Variants in IRAK3 observed in about 807,000 individuals in gnomAD.
IRAK3 encodes interleukin-1 receptor-associated kinase 3.
A neutral mutation model predicts 56.6 loss-of-function variants in IRAK3; 57 were observed. The ratio of observed to expected loss-of-function variants is 1.01; its 90% confidence interval spans 0.81 to 1.26. The LOEUF is 1.26. Among genes scored for constraint, IRAK3 ranks in the 50% most tolerant of loss-of-function variants. IRAK3 has a pLI of 0.00. For synonymous variants in IRAK3, 258 were observed against 255.7 expected (o/e 1.01, Z -0.09); for missense variants, 703 against 719.0 (o/e 0.98, Z 0.25).
chr12:66,229,669 C>T (rs1030576669), intron 8 of IRAK3, among the ~76,000 whole-genome samples: 1 of 152,124 alleles, frequency 6.6e-6, no homozygotes, highest in African/African-American at 2.4e-5. Context: ...AATGCACACT[C>T]ATGGGACCTG....
At chr12:66,195,900 A>G (rs1212753394) in intron 1 of IRAK3, among the ~76,000 whole-genome samples, 3 of 151,484 alleles carry the variant, frequency 2.0e-5, no homozygotes, top group Non-Finnish European at 4.4e-5. Flanking sequence ...TAGGTGATCC[A>G]CCCACCTCGG....
chr12:66,230,353 GA>G (rs1290256133), intron 8 of IRAK3, among the ~76,000 whole-genome samples: 1 of 152,144 alleles, frequency 6.6e-6, no homozygotes, highest in Non-Finnish European at 1.5e-5. Context: ...GCGAGGAAAG[GA>G]AAAAGGCAGG....
At chr12:66,216,455 T>C (rs2052677814) in intron 5 of IRAK3, among the ~76,000 whole-genome samples, 1 of 152,178 alleles carries the variant, frequency 6.6e-6, no homozygotes, top group African/African-American at 2.4e-5. Context: ...CTCTAGCAAT[T>C]TGCAAATGAT....
intron 5 of IRAK3, among the ~76,000 whole-genome samples, chr12:66,213,322 A>G (rs1003158397): frequency 9.9e-5 from 15 of 152,188 alleles, no homozygotes; most frequent in African/African-American, 1.9e-4. Context: ...TGTGGGAGCT[A>G]CAATTCAAGA....
rs1158649173 is a variant in IRAK3, at chr12:66,235,305, G to A, written c.887+6935G>A. On this transcript the variant is annotated intron_variant, in intron 8 of 11. Coordinates refer to ENST00000261233, the MANE Select transcript of IRAK3 (RefSeq NM_007199.3). ...AAGATCATCGCTGCGGGCCGCGGCG[G>A]CGGGCGCGGGCGCGGGGCAGCCTGG... 8.0e-6 allele frequency: 9 copies of A among 1,125,388 alleles called. No homozygotes were observed. In the East Asian group the frequency reaches 3.9e-4, roughly 48 times the overall value. 69.7% of individuals were successfully genotyped at this position (1,125,388 alleles called of 1,614,324 possible). A position where few individuals can be genotyped will look rare whatever the true frequency, so the allele number is the denominator to read the frequency against.
chr12:66,250,345 C>T lies in IRAK3; in HGVS notation c.*2174C>T, dbSNP rs1216840093. 3 of 152,054 alleles carry T rather than the reference C, an allele frequency of 2.0e-5. No individual in the cohort carries two copies. The highest frequency in any genetic ancestry group is 4.4e-5 in the Non-Finnish European group (3 of 67,992). 9.4% of individuals were successfully genotyped at this position (152,054 alleles called of 1,614,324 possible). ...GGTTAATCATATTCACATTAGATTCCATGTTGAAGAACAACTAATCAAAGA... is the reference window on the plus strand; with the variant it reads ...GGTTAATCATATTCACATTAGATTCTATGTTGAAGAACAACTAATCAAAGA... On this transcript the variant is annotated 3_prime_UTR_variant, in exon 12 of 12. Coordinates refer to ENST00000261233, the MANE Select transcript of IRAK3 (RefSeq NM_007199.3).
chr12:66,198,215 T>C, intron 1 of IRAK3: 2 of 504,468 alleles, frequency 4.0e-6, no homozygotes, highest in Non-Finnish European at 5.1e-6. Flanking sequence ...TAAGTTCATA[T>C]GCTAACACTC....
Position 66,242,787 on chromosome 12 carries a change from G to A in IRAK3, c.888-1699G>A, listed in dbSNP as rs538028573. On this transcript the variant is annotated intron_variant, in intron 8 of 11. Coordinates refer to ENST00000261233, the MANE Select transcript of IRAK3 (RefSeq NM_007199.3). The stretch of plus-strand genomic sequence containing the variant: ...AATGTGTCTTTATCCTTAAAAGACC[G>A]CGGGGTCTGGGCGCAGTAGCTCATG... 5.3e-5 allele frequency among the ~76,000 whole-genome samples: 8 copies of A among 152,312 alleles called. No homozygotes were observed. The East Asian group carries it at 7.7e-4, about 15-fold the overall frequency.
chr12:66,235,710 A>G (rs1423464982), intron 8 of IRAK3, among the ~76,000 whole-genome samples: 1 of 152,228 alleles, frequency 6.6e-6, no homozygotes, highest in Admixed American at 6.5e-5. Flanking sequence ...GACCAAATTA[A>G]AGTAGCGTAT....
intron 2 of IRAK3, among the ~76,000 whole-genome samples, 171 bp downstream of exon 2, chr12:66,204,064 T>C (rs1229771894): frequency 1.3e-5 from 2 of 152,240 alleles, no homozygotes; most frequent in African/African-American, 2.4e-5. Flanking sequence ...CTTGTGACAC[T>C]TTCTTCCCTT....
chr12:66,216,064 C>T (rs569045387), intron 5 of IRAK3, among the ~76,000 whole-genome samples: 13 of 152,254 alleles, frequency 8.5e-5, no homozygotes, highest in Admixed American at 3.9e-4. Flanking sequence ...TGCCATTTCT[C>T]GGCAGCTCCT....
chr12:66,223,408 C>T (rs183443941), intron 6 of IRAK3, among the ~76,000 whole-genome samples: 576 of 151,860 alleles, frequency 3.8e-3, no homozygotes, highest in Non-Finnish European at 4.5e-3. Flanking sequence ...GCCTGTAATC[C>T]CAGCACTTTG....
chr12:66,193,961 T>C (rs1420754848), intron 1 of IRAK3, among the ~76,000 whole-genome samples: 3 of 152,196 alleles, frequency 2.0e-5, no homozygotes. Flanking sequence ...GGGATCTCAC[T>C]CTGTCATCCA....
intron 1 of IRAK3, among the ~76,000 whole-genome samples, chr12:66,200,107 T>A (rs1490709056): frequency 1.3e-5 from 2 of 152,254 alleles, no homozygotes; most frequent in Non-Finnish European, 2.9e-5. Flanking sequence ...GTCTCAACTT[T>A]ATCTTCTCTT....
rs1592598346 is a variant in IRAK3 at position 66,234,684 on chromosome 12, T to G, written c.887+6314T>G. 6 of 1,609,792 alleles carry G rather than the reference T, an allele frequency of 3.7e-6. No individual in the cohort carries two copies. In the East Asian group the frequency reaches 1.3e-4, roughly 36 times the overall value. On this transcript the variant is annotated intron_variant, in intron 8 of 11. Coordinates refer to ENST00000261233, the MANE Select transcript of IRAK3 (RefSeq NM_007199.3). ...ACTCCTGGTGGTGTCTTAATAAATTTTCCATTAAAATGACCAGTAACAGCT... is the reference window on the plus strand; with the variant it reads ...ACTCCTGGTGGTGTCTTAATAAATTGTCCATTAAAATGACCAGTAACAGCT...
In IRAK3 at chr12:66,254,592, T is replaced by C. The variant is rs1234967410; in HGVS notation, c.*6421T>C. The C allele has an allele frequency of 6.6e-6, 1 of 152,076 alleles. No individual in the cohort carries two copies. Among genetic ancestry groups the C allele is most frequent in the South Asian group, 2.1e-4 (1 of 4,830 alleles). 9.4% of individuals were successfully genotyped at this position (152,076 alleles called of 1,614,324 possible). A position where few individuals can be genotyped will look rare whatever the true frequency, so the allele number is the denominator to read the frequency against. On this transcript the variant is annotated 3_prime_UTR_variant, in exon 12 of 12. Coordinates refer to ENST00000261233, the MANE Select transcript of IRAK3 (RefSeq NM_007199.3). ...TATAATGAACATATATCATTTTTAT[T>C]AGAAAAGAATAAAGTTTTTGAAAAA...
At position 66,254,348 on chromosome 12, in the gene IRAK3, A is replaced by G. The variant is rs1200583617; in HGVS notation, c.*6177A>G. 3 of 152,174 alleles carry G rather than the reference A, an allele frequency of 2.0e-5. No individual in the cohort carries two copies. The highest frequency in any genetic ancestry group is 4.4e-5 in the Non-Finnish European group (3 of 68,016). 9.4% of individuals were successfully genotyped at this position (152,174 alleles called of 1,614,324 possible). The stretch of plus-strand genomic sequence containing the variant: ...TTGTCATTTAAAAATATTTAGATAT[A>G]TGTTTATTGCTATGGATATATGTTC... On this transcript the variant is annotated 3_prime_UTR_variant, in exon 12 of 12. Coordinates refer to ENST00000261233, the MANE Select transcript of IRAK3 (RefSeq NM_007199.3).
chr12:66,211,768 C>G (rs11465960), intron 5 of IRAK3, among the ~76,000 whole-genome samples, 171 bp downstream of exon 5: 1 of 152,082 alleles, frequency 6.6e-6, no homozygotes, highest in Admixed American at 6.6e-5. Flanking sequence ...ACCTGTCTTG[C>G]AAGAATGAGG....
At chr12:66,237,042 G>A (rs929360865) in intron 8 of IRAK3, among the ~76,000 whole-genome samples, 10 of 151,972 alleles carry the variant, frequency 6.6e-5, no homozygotes, top group Admixed American at 2.0e-4. Context: ...TAAGAGTGTG[G>A]CCTTTGGGGT....
Sources: allele counts gnomAD v4.1 joint callset (sites outside exome capture counted in the v4.1 genomes callset), GRCh38; gene constraint gnomAD v4.1.1; transcripts MANE v1.5; gene names NCBI Gene and HGNC (gene_info 2026-07-23, HGNC 2026-07-21).